ZNF862: variants seen among roughly 807,000 people sequenced by gnomAD.
ZNF862 encodes zinc finger protein 862.
Under a neutral mutation model 91.1 loss-of-function variants are expected in ZNF862, and 64 were observed. The ratio of observed to expected loss-of-function variants is 0.70; its 90% CI spans 0.57 to 0.87. The LOEUF (loss-of-function observed/expected upper bound fraction) is 0.87. Ranked by LOEUF, ZNF862 falls within the 40% of genes least tolerant of loss-of-function variation. ZNF862 has a pLI of 0.00. For missense variants in ZNF862, 1,459 were observed against 1,528.0 expected (o/e 0.95, Z 0.75); for synonymous variants, 631 against 618.1 (o/e 1.02, Z -0.31).
In ZNF862 at chr7:149,848,116, C is replaced by T. The variant is rs754322907; in HGVS notation, c.623C>T (p.Ala208Val). Residue 208 changes from alanine to valine, a missense_variant, in exon 4 of 8, where the codon GCG becomes GTG. Transcript: ENST00000223210. The stretch of plus-strand genomic sequence containing the variant: ...ATGTTCTGTGTCAATGCCTTGGCAG[C>T]GAGGGACCCCATCTGGGCAGCCCGG... ...AHMFCVNALAARDPIWAARFR... is the reference protein window; with the variant it reads ...AHMFCVNALAVRDPIWAARFR... 1.4e-5 allele frequency: 22 copies of T among 1,613,916 alleles called. No homozygotes were observed. Among genetic ancestry groups the T allele is most frequent in the Admixed American group, 1.0e-4 (6 of 60,012 alleles).
intron 1 of ZNF862, among the ~76,000 whole-genome samples, chr7:149,844,322 C>G (rs1355648181): frequency 6.6e-6 from 1 of 152,182 alleles, no homozygotes; most frequent in Non-Finnish European, 1.5e-5. Flanking sequence ...TTGCCCAGCC[C>G]CTGGCTGAGA....
chr7:149,862,413 C>T lies in ZNF862; in HGVS notation c.3253C>T (p.Gln1085Ter), dbSNP rs1450456563. Residue 1085 changes from glutamine (Q) to a stop codon, truncating the protein, a stop_gained, in exon 7 of 8, where the codon CAG becomes TAG. Coordinates refer to ENST00000223210, the MANE Select transcript of ZNF862 (RefSeq NM_001099220.3). LOFTEE classifies it high-confidence loss of function. ...GGAGTACGACCCCCAGCCCGCCATC[C>T]AGCACTGGTACCTGACCTCCTCAGG... ...VTEYDPQPAI[Q>*]HWYLTSSGRR... 2.5e-6 allele frequency: 4 copies of T among 1,612,660 alleles called. No homozygotes were observed. Among genetic ancestry groups the T allele is most frequent in the Non-Finnish European group, 3.4e-6 (4 of 1,179,708 alleles).
At position 149,850,036 on chromosome 7, in the gene ZNF862, T is replaced by C. The variant is rs1278569632; in HGVS notation, c.940-125T>C. On this transcript the variant is annotated intron_variant, in intron 4 of 7. Coordinates refer to ENST00000223210, the MANE Select transcript of ZNF862 (RefSeq NM_001099220.3). The surrounding 1 kb of genome is among the most constrained non-coding windows in gnomAD (Gnocchi z 4.2). ...GACTTTCAGTGGATAAATTAATTCC[T>C]CTGAGTGCATCTGGGCCTCTTGGTG... The C allele has an allele frequency of 3.2e-6, 3 of 936,804 alleles. No individual in the cohort carries two copies. The highest frequency in any genetic ancestry group is 2.6e-5 in the East Asian group (1 of 37,820). 58.0% of individuals were successfully genotyped at this position (936,804 alleles called of 1,614,324 possible). A position where few individuals can be genotyped will look rare whatever the true frequency, so the allele number is the denominator to read the frequency against.
At position 149,865,564 on chromosome 7, in the gene ZNF862, G is replaced by A. The variant is rs1187059256; in HGVS notation, c.*1280G>A. 1 of 152,266 alleles carries A rather than the reference G, an allele frequency of 6.6e-6. No homozygotes were observed. The highest frequency in any genetic ancestry group is 2.4e-5 in the African/African-American group (1 of 41,432). 9.4% of individuals were successfully genotyped at this position (152,266 alleles called of 1,614,324 possible). The stretch of plus-strand genomic sequence containing the variant: ...CGATCTTCCTTCCACCTAAAGTGAA[G>A]CACTTTTCCTTCCAAGGGCAGCTCC... On this transcript the variant is annotated 3_prime_UTR_variant, in exon 8 of 8. Transcript: ENST00000223210.
At chr7:149,860,193 G>A (rs1802412941) in intron 6 of ZNF862, 190 bp from the exon 7 acceptor site, 1 of 608,058 alleles carries the variant, frequency 1.6e-6, no homozygotes, top group Non-Finnish European at 2.8e-6. Context: ...CTCTGGGGGA[G>A]CCAGATGAAC....
intron 2 of ZNF862, among the ~76,000 whole-genome samples, chr7:149,845,805 G>A (rs1243668286): frequency 6.6e-6 from 1 of 152,118 alleles, no homozygotes; most frequent in South Asian, 2.1e-4. Flanking sequence ...CGTCTTGCAG[G>A]TTGCCACAGC....
intron 4 of ZNF862, 40 bp downstream of exon 4, chr7:149,848,472 G>T (rs1241981040): frequency 8.5e-6 from 12 of 1,413,768 alleles, no homozygotes; most frequent in Non-Finnish European, 1.1e-5. Context: ...TACAGAGAAG[G>T]ATTCTATACT....
Position 149,862,293 on chromosome 7 carries a change from G to A in ZNF862, c.3133G>A (p.Ala1045Thr), listed in dbSNP as rs1195302296. The A allele has an allele frequency of 6.2e-7, 1 of 1,613,616 alleles. No homozygotes were observed. ...CTCTTGCTGTGAGCGGGGGTTCAAG[G>A]CCATGAACCGAATCAGGACCGATGA... ...STSCCERGFK[A>T]MNRIRTDERT... The change falls in exon 7 of 8, where the codon GCC becomes ACC. Residue 1045 changes from alanine to threonine, a missense_variant. Transcript: ENST00000223210.
At chr7:149,840,487 G>A (rs539499679) in intron 1 of ZNF862, among the ~76,000 whole-genome samples, 1 of 152,276 alleles carries the variant, frequency 6.6e-6, no homozygotes, top group South Asian at 2.1e-4. Flanking sequence ...TTAGTGTGCA[G>A]TGTTTATAAA....
At chr7:149,845,271 GCT>G (rs1455791433) in intron 2 of ZNF862, among the ~76,000 whole-genome samples, 1 of 152,236 alleles carries the variant, frequency 6.6e-6, no homozygotes, top group Non-Finnish European at 1.5e-5. Flanking sequence ...ATTTTTGAAT[GCT>G]CTTTCCTTTG....
chr7:149,861,402 C>G lies in ZNF862; in HGVS notation c.2242C>G (p.Arg748Gly). ...GSIDLVKKCDRHIRTVFKFYQ... is the reference protein window; with the variant it reads ...GSIDLVKKCDGHIRTVFKFYQ... Reference sequence around the variant, plus strand: ...CATCGATCTGGTGAAGAAGTGTGACCGGCACATCCGCACCGTCTTCAAGTT... The same window carrying G: ...CATCGATCTGGTGAAGAAGTGTGACGGGCACATCCGCACCGTCTTCAAGTT... Residue 748 changes from arginine (R) to glycine (G), a missense_variant, in exon 7 of 8, where the codon CGG becomes GGG. Physicochemically the swap from Arg to Gly is moderately radical, Grantham distance 125. Transcript: ENST00000223210. This position sits in a 1 kb window ranked among gnomAD's most constrained non-coding sequence, Gnocchi z 6.7. 1 of 1,613,148 alleles carries G rather than the reference C, an allele frequency of 6.2e-7. No individual in the cohort carries two copies. The highest frequency in any genetic ancestry group is 8.5e-7 in the Non-Finnish European group (1 of 1,179,894).
Position 149,861,356 on chromosome 7 carries a change from T to G in ZNF862, c.2196T>G (p.Ala732=), listed in dbSNP as rs1395245665. The G allele has an allele frequency of 1.2e-6, 2 of 1,613,050 alleles. No individual in the cohort carries two copies. The highest frequency in any genetic ancestry group is 1.7e-6 in the Non-Finnish European group (2 of 1,179,900). ...VHCVAHRLHL[A]VVDACGSIDL... Reference sequence around the variant, plus strand: ...GCGTGGCCCACCGGCTGCACCTGGCTGTGGTGGACGCCTGCGGGAGCATCG... The same window carrying G: ...GCGTGGCCCACCGGCTGCACCTGGCGGTGGTGGACGCCTGCGGGAGCATCG... Residue 732 remains alanine, a synonymous_variant, in exon 7 of 8, where the codon GCT becomes GCG. Transcript: ENST00000223210. The surrounding 1 kb of genome is among the most constrained non-coding windows in gnomAD (Gnocchi z 6.7).
In ZNF862 at chr7:149,864,232, C is replaced by G. The variant is rs1802631491; in HGVS notation, c.3458C>G (p.Pro1153Arg). 1 of 1,601,522 alleles carries G rather than the reference C, an allele frequency of 6.2e-7. No homozygotes were observed. The highest frequency in any genetic ancestry group is 1.3e-5 in the African/African-American group (1 of 74,626). Residue 1153 changes from proline to arginine, a missense_variant, in exon 8 of 8, where the codon CCC becomes CGC. By Grantham distance (103) the Pro-to-Arg change is moderately radical. Transcript: ENST00000223210. ...CTGAAGGACTGCATCATGGAGCCTC[C>G]CGAGAGACTCCTGTATCCCCACACC... ...EVLKDCIMEP[P>R]ERLLYPHTSQ...
intron 1 of ZNF862, among the ~76,000 whole-genome samples, chr7:149,842,597 T>C (rs1801743370): frequency 6.6e-6 from 1 of 152,214 alleles, no homozygotes; most frequent in African/African-American, 2.4e-5. Flanking sequence ...TGGACAGTCC[T>C]AGCCATGTTC....
chr7:149,866,493 CAGG>C lies in ZNF862; in HGVS notation c.*2213_*2215del, dbSNP rs1394566531. The C allele has an allele frequency of 6.6e-6, 1 of 152,186 alleles. No homozygotes were observed. The allele number at this position is 152,186 out of a possible 1,614,324, so 9.4% of individuals were successfully genotyped here. ...TTCATCCTTGAAGAATCCCTCAGAG[CAGG>C]AGGCCATCCTGTGAGCAGCCGTGAG... On this transcript the variant is annotated 3_prime_UTR_variant, in exon 8 of 8. Coordinates refer to ENST00000223210, the MANE Select transcript of ZNF862 (RefSeq NM_001099220.3).
chr7:149,848,218 T>C lies in ZNF862; in HGVS notation c.725T>C (p.Phe242Ser), dbSNP rs1326681243. 6.2e-7 allele frequency: 1 copy of C among 1,613,916 alleles called. No homozygotes were observed. Among genetic ancestry groups the C allele is most frequent in the Admixed American group, 1.7e-5 (1 of 60,016 alleles). The stretch of plus-strand genomic sequence containing the variant: ...CTCTTCACTGCAGATTGCCCCATAT[T>C]CTACCCCCCAGGGCCTCTGGGAGGA... ...EPLFTADCPI[F>S]YPPGPLGGFD... The change falls in exon 4 of 8, where the codon TTC becomes TCC. Residue 242 changes from phenylalanine to serine, a missense_variant. By Grantham distance (155) the Phe-to-Ser change is radical. Transcript: ENST00000223210.
At chr7:149,853,690 C>T (rs1009275627) in intron 5 of ZNF862, among the ~76,000 whole-genome samples, 5 of 152,172 alleles carry the variant, frequency 3.3e-5, no homozygotes, top group African/African-American at 1.2e-4. Flanking sequence ...GTAATCCCAG[C>T]ACTTTGGGAG....
At chr7:149,853,488 G>C (rs577799941) in intron 5 of ZNF862, among the ~76,000 whole-genome samples, 1 of 152,324 alleles carries the variant, frequency 6.6e-6, no homozygotes, top group Non-Finnish European at 1.5e-5. Flanking sequence ...TAAGATGTAG[G>C]CTGCAGCTTC....
At position 149,861,317 on chromosome 7, in the gene ZNF862, G is replaced by A. The variant is rs770160643; in HGVS notation, c.2157G>A (p.Leu719=). 3 of 1,612,964 alleles carry A rather than the reference G, an allele frequency of 1.9e-6. No homozygotes were observed. The Admixed American group carries it at 5.0e-5, about 27-fold the overall frequency. ...AGTTCCAGGAGGTCATCCCGCAGCT[G>A]CTGCCTGTCCACTGCGTGGCCCACC... is the stretch of plus-strand genomic sequence containing the variant. ...VEKFQEVIPQ[L]LPVHCVAHRL... Residue 719 remains leucine (L), a synonymous_variant, in exon 7 of 8, where the codon CTG becomes CTA. Coordinates refer to ENST00000223210, the MANE Select transcript of ZNF862 (RefSeq NM_001099220.3). This position sits in a 1 kb window ranked among gnomAD's most constrained non-coding sequence, Gnocchi z 6.7.
Sources: allele counts gnomAD v4.1 joint callset (sites outside exome capture counted in the v4.1 genomes callset), GRCh38; gene constraint gnomAD v4.1.1; non-coding constraint Gnocchi (gnomAD v3.1); transcripts MANE v1.5; gene names NCBI Gene and HGNC (gene_info 2026-07-23, HGNC 2026-07-21).